The following PRELID2 variants were observed in gnomAD, a reference collection of about 807,000 sequenced individuals.
The protein encoded by PRELID2 is PRELI domain-containing protein 2.
In PRELID2, 25 loss-of-function variants were observed where a neutral mutation model predicts 28.4. That is an observed-to-expected ratio of 0.88 (90% confidence interval 0.64 to 1.23). PRELID2 has a LOEUF of 1.23. Ranked by LOEUF, PRELID2 falls within the 50% of genes most tolerant of loss-of-function variation. The probability of loss-of-function intolerance (pLI) is 0.00; values close to 1 mark genes in which losing one functional copy is unlikely to be tolerated. For missense variants in PRELID2, 201 were observed against 214.4 expected (o/e 0.94, Z 0.39); for synonymous variants, 76 against 71.6 (o/e 1.06, Z -0.31).
At chr5:145,597,416 C>T (rs1004614113) in intron 1 of PRELID2, among the ~76,000 whole-genome samples, 3 of 152,140 alleles carry the variant, frequency 2.0e-5, no homozygotes, top group Admixed American at 1.3e-4. Flanking sequence ...GCACACTGAA[C>T]TAATCCATTG....
chr5:145,346,506 A>G, the PRELID2 span, among the ~76,000 whole-genome samples: 1 of 152,170 alleles, frequency 6.6e-6, no homozygotes, highest in Non-Finnish European at 1.5e-5. Flanking sequence ...TAGAATGGGA[A>G]AGGAATTATT....
chr5:145,247,117 AC>A, the PRELID2 span, among the ~76,000 whole-genome samples: 1 of 152,102 alleles, frequency 6.6e-6, no homozygotes, highest in African/African-American at 2.4e-5. Flanking sequence ...CTGACACCAC[AC>A]CCAGACTTAT....
chr5:145,388,290 A>G, the PRELID2 span, among the ~76,000 whole-genome samples: 1 of 152,244 alleles, frequency 6.6e-6, no homozygotes, highest in Non-Finnish European at 1.5e-5. Context: ...AAATGAATAA[A>G]TGTGTAACTT....
intron 5 of PRELID2, among the ~76,000 whole-genome samples, chr5:145,767,321 C>G (rs967013537): frequency 1.3e-5 from 2 of 152,098 alleles, no homozygotes; most frequent in Non-Finnish European, 2.9e-5. Flanking sequence ...CACCTTTCTA[C>G]TCCATCCCCT....
At chr5:145,390,131 A>G in the PRELID2 span, among the ~76,000 whole-genome samples, 1 of 152,202 alleles carries the variant, frequency 6.6e-6, no homozygotes, top group Non-Finnish European at 1.5e-5. Flanking sequence ...GTACATAGGA[A>G]AGACACCTAA....
chr5:145,407,911 A>G, the PRELID2 span, among the ~76,000 whole-genome samples: 1 of 152,174 alleles, frequency 6.6e-6, no homozygotes, highest in African/African-American at 2.4e-5. Context: ...ATCCTCTGCC[A>G]CCTATGCCAG....
intron 1 of PRELID2, among the ~76,000 whole-genome samples, chr5:145,644,643 T>C (rs1754166334): frequency 6.6e-6 from 1 of 152,220 alleles, no homozygotes. Flanking sequence ...CTGTCTCTTG[T>C]GGGCATTTCA....
chr5:145,700,210 A>G (rs1248370418), intron 1 of PRELID2, among the ~76,000 whole-genome samples: 2 of 151,852 alleles, frequency 1.3e-5, no homozygotes, highest in African/African-American at 4.8e-5. Context: ...CCAACTTTCC[A>G]TCGCCCCTAG....
chr5:145,653,367 C>T (rs905885267), intron 1 of PRELID2, among the ~76,000 whole-genome samples: 3 of 152,148 alleles, frequency 2.0e-5, no homozygotes, highest in Non-Finnish European at 4.4e-5. Context: ...CAAGGATATC[C>T]AGGAATTGAA....
At chr5:145,323,317 G>A in the PRELID2 span, among the ~76,000 whole-genome samples, 1 of 152,296 alleles carries the variant, frequency 6.6e-6, no homozygotes, top group African/African-American at 2.4e-5. Context: ...GTTGGCAAGG[G>A]CTGAAGTAAG....
At chr5:145,552,313 C>T (rs568058864) in intron 1 of PRELID2, among the ~76,000 whole-genome samples, 24 of 152,090 alleles carry the variant, frequency 1.6e-4, no homozygotes, top group Non-Finnish European at 2.8e-4. Context: ...AAATGTCCAC[C>T]TTCTCCCCCT....
chr5:145,819,685 C>T, intron 3 of PRELID2: 1 of 564,196 alleles, frequency 1.8e-6, no homozygotes, highest in Non-Finnish European at 3.1e-6. Flanking sequence ...ATGCAAAATG[C>T]CAAAAGTATC....
chr5:145,500,470 G>A (rs1223043440), intron 1 of PRELID2, among the ~76,000 whole-genome samples: 1 of 152,016 alleles, frequency 6.6e-6, no homozygotes, highest in Non-Finnish European at 1.5e-5. Context: ...TTTCTTTATA[G>A]CAGTGTGAGA....
chr5:145,735,299 T>C (rs1756465367), intron 1 of PRELID2, among the ~76,000 whole-genome samples: 2 of 149,472 alleles, frequency 1.3e-5, no homozygotes, highest in Admixed American at 6.7e-5. Context: ...TCCAACAATG[T>C]AGTAGTCAAG....
At chr5:145,317,335 T>G in the PRELID2 span, among the ~76,000 whole-genome samples, 4 of 152,184 alleles carry the variant, frequency 2.6e-5, no homozygotes, top group Admixed American at 2.6e-4. Context: ...GCAGTGCATT[T>G]TAAAATGGCT....
At chr5:145,277,563 A>G in the PRELID2 span, among the ~76,000 whole-genome samples, 2 of 152,074 alleles carry the variant, frequency 1.3e-5, no homozygotes, top group Non-Finnish European at 2.9e-5. Context: ...TACACCCATA[A>G]CTGTGGCTGC....
the PRELID2 span, among the ~76,000 whole-genome samples, chr5:145,320,518 G>A: frequency 1.3e-5 from 2 of 152,134 alleles, no homozygotes; most frequent in Non-Finnish European, 2.9e-5. Flanking sequence ...GAAGCTAAGT[G>A]TTGAACAATG....
chr5:145,585,746 C>G (rs1433541288), intron 1 of PRELID2, among the ~76,000 whole-genome samples: 1 of 152,068 alleles, frequency 6.6e-6, no homozygotes, highest in Non-Finnish European at 1.5e-5. Context: ...AAAGTAATGA[C>G]TATAACAATG....
At chr5:145,569,170 A>C (rs1347977378) in intron 1 of PRELID2, among the ~76,000 whole-genome samples, 1 of 152,236 alleles carries the variant, frequency 6.6e-6, no homozygotes. Flanking sequence ...CTAAGCAATG[A>C]AATCTTGTTA....
Sources: allele counts gnomAD v4.1 joint callset (sites outside exome capture counted in the v4.1 genomes callset), GRCh38; gene constraint gnomAD v4.1.1; transcripts MANE v1.5; gene names NCBI Gene and HGNC (gene_info 2026-07-23, HGNC 2026-07-21).